PPIL2: variants seen among roughly 807,000 people sequenced by gnomAD.
PPIL2 encodes RING-type E3 ubiquitin-protein ligase PPIL2.
A neutral mutation model predicts 75.2 loss-of-function variants in PPIL2; 50 were observed. The ratio of observed to expected loss-of-function variants is 0.66; its 90% CI spans 0.53 to 0.84. The LOEUF (loss-of-function observed/expected upper bound fraction) is 0.84. PPIL2 is among the 40% of genes least tolerant of loss of function. PPIL2 has a pLI of 0.00. For missense variants in PPIL2, 590 were observed against 685.0 expected (o/e 0.86, Z 1.55); for synonymous variants, 245 against 258.8 (o/e 0.95, Z 0.51).
At chr22:21,675,540 A>G (rs532404660) in intron 6 of PPIL2, among the ~76,000 whole-genome samples, 1 of 152,318 alleles carries the variant, frequency 6.6e-6, no homozygotes, top group African/African-American at 2.4e-5. Flanking sequence ...GTCTCAAAAA[A>G]AAAAGGTGTC....
chr22:21,668,244 T>G (rs1279236612), intron 1 of PPIL2, among the ~76,000 whole-genome samples: 1 of 152,116 alleles, frequency 6.6e-6, no homozygotes, highest in African/African-American at 2.4e-5. Context: ...TTCCTGGCCA[T>G]GATGGGATAG....
chr22:21,676,962 C>T (rs576052897), intron 6 of PPIL2, among the ~76,000 whole-genome samples: 232 of 148,950 alleles, frequency 1.6e-3, no homozygotes, highest in Middle Eastern at 7.7e-3. Context: ...ACCTCCCGGA[C>T]GGGGCGGCGG....
chr22:21,685,579 G>A (rs1045784355), intron 10 of PPIL2: 32 of 431,342 alleles, frequency 7.4e-5, no homozygotes, highest in South Asian at 3.3e-4. Flanking sequence ...GTGTCACTCC[G>A]TCTAACACAC....
At chr22:21,678,076 G>T (rs1158242818) in intron 6 of PPIL2, among the ~76,000 whole-genome samples, 2 of 152,182 alleles carry the variant, frequency 1.3e-5, no homozygotes, top group Non-Finnish European at 2.9e-5. Context: ...TGGTGACAGA[G>T]GTCAGGGGTG....
In PPIL2 at chr22:21,679,123, C is replaced by T. The variant is rs567721180; in HGVS notation, c.296-2176C>T. Among the ~76,000 whole-genome samples, 25 of 151,894 alleles carry T rather than the reference C, an allele frequency of 1.6e-4. No individual in the cohort carries two copies. The South Asian group carries it at 2.7e-3, about 17-fold the overall frequency. On this transcript the variant is annotated intron_variant, in intron 6 of 19. Transcript: ENST00000398831. ...GTTGGTCAGGCTGGTCTCAAACTCC[C>T]GACCTCAGGTGATCCTCCCGCCTCT...
intron 12 of PPIL2, 67 bp from the exon 13 acceptor site, chr22:21,687,576 C>T (rs2067425621): frequency 2.6e-6 from 2 of 781,570 alleles, no homozygotes; most frequent in Middle Eastern, 2.7e-4. Flanking sequence ...AAAAAAGCCT[C>T]CTGTGGCTGT....
intron 15 of PPIL2, among the ~76,000 whole-genome samples, chr22:21,690,633 A>G (rs1017219503): frequency 6.6e-6 from 1 of 152,000 alleles, no homozygotes; most frequent in African/African-American, 2.4e-5. Context: ...AAGGGTTTGT[A>G]ATTGTTTTCA....
At chr22:21,690,227 A>T (rs1487932115) in intron 15 of PPIL2, among the ~76,000 whole-genome samples, 5 of 151,980 alleles carry the variant, frequency 3.3e-5, no homozygotes, top group African/African-American at 4.8e-5. Context: ...TACAAAAAAT[A>T]AAAAAAATTA....
intron 13 of PPIL2, 150 bp from the exon 14 acceptor site, chr22:21,687,923 C>T: frequency 8.6e-7 from 1 of 1,165,330 alleles, no homozygotes; most frequent in South Asian, 1.4e-5. Flanking sequence ...ACTGGGTTCA[C>T]AAAGGGAGGT....
chr22:21,691,605 A>G (rs1352667146), intron 15 of PPIL2, among the ~76,000 whole-genome samples: 11 of 151,890 alleles, frequency 7.2e-5, no homozygotes, highest in Non-Finnish European at 1.5e-4. Context: ...GCGTGAACCC[A>G]GGAGGCAGAG....
chr22:21,695,068 C>A lies in PPIL2; in HGVS notation c.1464C>A (p.Ala488=). 6.2e-7 allele frequency: 1 copy of A among 1,604,328 alleles called. No homozygotes were observed. Among genetic ancestry groups the A allele is most frequent in the South Asian group, 1.1e-5 (1 of 90,672 alleles). ...QGVGKYINPA[A]TKRAAEEEPS... ...TGGGCAAGTACATCAACCCAGCAGC[C>A]ACGTGAGTGCCGCGGGGCTGGCCTC... Residue 488 remains alanine (A), a splice_region_variant and synonymous_variant, in exon 19 of 20, where the codon GCC becomes GCA. Coordinates refer to ENST00000398831, the MANE Select transcript of PPIL2 (RefSeq NM_014337.4).
chr22:21,687,944 G>A, intron 13 of PPIL2, 129 bp from the exon 14 acceptor site: 1 of 1,262,520 alleles, frequency 7.9e-7, no homozygotes, highest in Non-Finnish European at 1.1e-6. Context: ...GGCTGGGAGG[G>A]CCCCTCATTA....
In PPIL2 at chr22:21,679,349, C is replaced by T. The variant is rs140388563; in HGVS notation, c.296-1950C>T. Among the ~76,000 whole-genome samples the T allele has an allele frequency of 4.1e-3, 627 of 151,896 alleles. 6 individuals carry two copies. Among genetic ancestry groups the T allele is most frequent in the African/African-American group, 0.014 (593 of 41,478 alleles). On this transcript the variant is annotated intron_variant, in intron 6 of 19. Transcript: ENST00000398831. ...GCACCATGGTTTACGCCTGCAATCT[C>T]AGCACTTTGGGAGGCCAAGGTGGGA...
chr22:21,669,118 G>T (rs1210858491), intron 1 of PPIL2, among the ~76,000 whole-genome samples: 1 of 151,878 alleles, frequency 6.6e-6, no homozygotes. Flanking sequence ...CAAAGTGCTG[G>T]GATTATAGGC....
intron 15 of PPIL2, among the ~76,000 whole-genome samples, chr22:21,692,155 C>CT (rs1290128171): frequency 0.013 from 1,818 of 144,138 alleles, 36 homozygotes; most frequent in African/African-American, 0.041. Context: ...TCCTGACAGT[C>CT]TTTTTTTTTT....
chr22:21,687,141 C>T, intron 12 of PPIL2, 143 bp downstream of exon 12: 1 of 783,554 alleles, frequency 1.3e-6, no homozygotes. Flanking sequence ...CGCAGCAGTG[C>T]CCTGTGTCCT....
chr22:21,682,330 C>A, intron 7 of PPIL2, 107 bp from the exon 8 acceptor site: 1 of 911,016 alleles, frequency 1.1e-6, no homozygotes, highest in Non-Finnish European at 1.8e-6. Flanking sequence ...TTCCTCATGC[C>A]TCTCAAATCG....
intron 6 of PPIL2, among the ~76,000 whole-genome samples, chr22:21,679,641 C>T (rs2067020874): frequency 6.6e-6 from 1 of 151,034 alleles, no homozygotes; most frequent in Non-Finnish European, 1.5e-5. Flanking sequence ...CTCAGCCTAT[C>T]GCCTAGGCTG....
At chr22:21,691,872 T>C (rs2067655493) in intron 15 of PPIL2, among the ~76,000 whole-genome samples, 1 of 152,188 alleles carries the variant, frequency 6.6e-6, no homozygotes, top group African/African-American at 2.4e-5. Context: ...CGGACACTTG[T>C]CTGGTGGCCT....
Sources: allele counts gnomAD v4.1 joint callset (sites outside exome capture counted in the v4.1 genomes callset), GRCh38; gene constraint gnomAD v4.1.1; transcripts MANE v1.5; gene names NCBI Gene and HGNC (gene_info 2026-07-23, HGNC 2026-07-21).